The following TGM4 variants were observed in gnomAD, a reference collection of about 807,000 sequenced individuals.
The protein encoded by TGM4 is protein-glutamine gamma-glutamyltransferase 4.
TGM4 carries 61 observed loss-of-function variants against 76.3 expected under a neutral mutation model. The observed-to-expected ratio is 0.80, with a 90% CI of 0.65 to 0.99. The LOEUF (loss-of-function observed/expected upper bound fraction) is 0.99, where lower values mean the gene tolerates loss of function less well. Among genes scored for constraint, TGM4 ranks in the 50% least tolerant of loss-of-function variants. The pLI is 0.00. For synonymous variants in TGM4, 337 were observed against 329.8 expected (o/e 1.02, Z -0.24); for missense variants, 794 against 843.2 (o/e 0.94, Z 0.72).
chr3:44,895,737 T>C (rs1384518250), intron 5 of TGM4, among the ~76,000 whole-genome samples: 1 of 152,216 alleles, frequency 6.6e-6, no homozygotes, highest in Non-Finnish European at 1.5e-5. Context: ...ATTCCTTTTA[T>C]TTTGGTAGTT....
chr3:44,899,601 G>C (rs961231229), intron 6 of TGM4: 1 of 152,258 alleles, frequency 6.6e-6, no homozygotes, highest in East Asian at 1.9e-4. Context: ...CTTCTGGCAG[G>C]GTCGCCTAAA....
At chr3:44,890,754 C>G (rs1399031012) in intron 4 of TGM4, 22 bp downstream of exon 4, 6 of 1,612,468 alleles carry the variant, frequency 3.7e-6, no homozygotes, top group Non-Finnish European at 5.1e-6. Context: ...CTCAGGTCTG[C>G]TGGGGAATGG....
At chr3:44,877,216 G>A (rs534798436) in intron 1 of TGM4, among the ~76,000 whole-genome samples, 1 of 152,280 alleles carries the variant, frequency 6.6e-6, no homozygotes, top group Admixed American at 6.5e-5. Flanking sequence ...GGAAGCCAAG[G>A]TGGGCAGATC....
chr3:44,888,072 A>T, intron 3 of TGM4: 1 of 393,874 alleles, frequency 2.5e-6, no homozygotes, highest in South Asian at 4.3e-5. Context: ...GAGCGGAGAG[A>T]AGTACATAAA....
Position 44,911,066 on chromosome 3 carries a change from C to A in TGM4, c.1715C>A (p.Ser572Tyr). The A allele has an allele frequency of 6.2e-7, 1 of 1,614,138 alleles. No homozygotes were observed. Among genetic ancestry groups the A allele is most frequent in the Non-Finnish European group, 8.5e-7 (1 of 1,180,014 alleles). Reference sequence around the variant, plus strand: ...TTCATCATTGCGGAAATTGTGGAGTCTAAGGAAATCATGGCCTCTGAAGTA... The same window carrying A: ...TTCATCATTGCGGAAATTGTGGAGTATAAGGAAATCATGGCCTCTGAAGTA... Reference protein sequence around the residue: ...RGFIIAEIVESKEIMASEVFT... With the variant: ...RGFIIAEIVEYKEIMASEVFT... Residue 572 changes from serine to tyrosine, a missense_variant, in exon 12 of 14, where the codon TCT (serine) becomes TAT (tyrosine). Coordinates refer to ENST00000296125, the MANE Select transcript of TGM4 (RefSeq NM_003241.4).
In TGM4 at chr3:44,911,142, G is replaced by A; in HGVS notation, c.1776+15G>A. 1 of 1,612,192 alleles carries A rather than the reference G, an allele frequency of 6.2e-7. No individual in the cohort carries two copies. Among genetic ancestry groups the A allele is most frequent in the Non-Finnish European group, 8.5e-7 (1 of 1,178,460 alleles). ...TCTCTATAGAGGTGAGCTTCCTGCA[G>A]GCCATAAAGGGCTCCTTCTGCCTGG... On this transcript the variant is annotated intron_variant, in intron 12 of 13. Transcript: ENST00000296125.
rs1286895129 is a variant in TGM4 at position 44,914,740 on chromosome 3, G to T, written c.*1015G>T. ...GCTCTGAGGAGTTGGCTTCTTTATT[G>T]TCTGTTCAGTACATCCAACCCCTCT... On this transcript the variant is annotated 3_prime_UTR_variant, in exon 14 of 14. Coordinates refer to ENST00000296125, the MANE Select transcript of TGM4 (RefSeq NM_003241.4). The T allele has an allele frequency of 6.6e-6, 1 of 151,996 alleles. No individual in the cohort carries two copies. Among genetic ancestry groups the T allele is most frequent in the Non-Finnish European group, 1.5e-5 (1 of 68,022 alleles). The allele number at this position is 151,996 out of a possible 1,614,324, so 9.4% of individuals were successfully genotyped here.
At chr3:44,875,229 A>G (rs1699435871) in intron 1 of TGM4, among the ~76,000 whole-genome samples, 1 of 152,224 alleles carries the variant, frequency 6.6e-6, no homozygotes, top group African/African-American at 2.4e-5. Context: ...CATTTATAGC[A>G]GAAGAAAATC....
At chr3:44,898,951 CA>C (rs2125755751) in intron 6 of TGM4, among the ~76,000 whole-genome samples, 1 of 152,212 alleles carries the variant, frequency 6.6e-6, no homozygotes, top group South Asian at 2.1e-4. Context: ...AAGTCATTAG[CA>C]GGCAGAACTT....
intron 11 of TGM4, among the ~76,000 whole-genome samples, chr3:44,910,707 G>C (rs1699991969): frequency 6.6e-6 from 1 of 152,172 alleles, no homozygotes; most frequent in African/African-American, 2.4e-5. Flanking sequence ...CACAGTGTTG[G>C]GAACAAGTGG....
In TGM4 at chr3:44,907,201, G is replaced by T. The variant is rs779785158; in HGVS notation, c.1327+1G>T. 6.2e-7 allele frequency: 1 copy of T among 1,613,058 alleles called. No homozygotes were observed. The highest frequency in any genetic ancestry group is 1.3e-5 in the African/African-American group (1 of 74,684). Reference sequence around the variant, plus strand: ...ACCTATGAGTACAAGTATCCAGAAGGTGCTAGCATCACAGGGCTCCTTCTG... The same window carrying T: ...ACCTATGAGTACAAGTATCCAGAAGTTGCTAGCATCACAGGGCTCCTTCTG... On this transcript the variant is annotated splice_donor_variant, in intron 10 of 13. Transcript: ENST00000296125. LOFTEE classifies it high-confidence loss of function.
At position 44,893,003 on chromosome 3, in the gene TGM4, G is replaced by C. The variant is rs1245317215; in HGVS notation, c.431-574G>C. ...TTGGGAATGTTAAATGTGATCATTT[G>C]GTCAAGGTGTTGTCCAGTTTTTCTG... On this transcript the variant is annotated intron_variant, in intron 4 of 13. Transcript: ENST00000296125. Among the ~76,000 whole-genome samples the C allele has an allele frequency of 2.0e-5, 3 of 152,128 alleles. No individual in the cohort carries two copies. In the East Asian group the frequency reaches 5.8e-4, roughly 29 times the overall value.
Position 44,903,923 on chromosome 3 carries a change from G to A in TGM4, c.1011G>A (p.Pro337=), listed in dbSNP as rs371239197. 23 of 1,614,064 alleles carry A rather than the reference G, an allele frequency of 1.4e-5. No individual in the cohort carries two copies. The highest frequency in any genetic ancestry group is 5.0e-5 in the Admixed American group (3 of 60,002). ...GGACGGATGCCTGGATGAAGCGACC[G>A]GATCTGCCCAAGGGCTACGACGGCT... ...HVWTDAWMKR[P]DLPKGYDGWQ... Residue 337 remains proline, a synonymous_variant, in exon 9 of 14, where the codon CCG becomes CCA. Transcript: ENST00000296125.
chr3:44,906,883 C>T, intron 9 of TGM4, 66 bp from the exon 10 acceptor site: 1 of 1,585,030 alleles, frequency 6.3e-7, no homozygotes, highest in African/African-American at 1.3e-5. Context: ...TCATTGCTGC[C>T]ACTGGGTCCA....
intron 2 of TGM4, among the ~76,000 whole-genome samples, chr3:44,885,869 T>C (rs567550834): frequency 4.6e-4 from 70 of 152,194 alleles, no homozygotes; most frequent in Non-Finnish European, 8.2e-4. Context: ...TAATAATGAT[T>C]AAAATATCAT....
intron 5 of TGM4, 39 bp downstream of exon 5, chr3:44,893,734 CT>C: frequency 6.5e-7 from 1 of 1,549,506 alleles, no homozygotes; most frequent in South Asian, 1.1e-5. Context: ...CAGGCCCCAT[CT>C]GCTAGACCAC....
chr3:44,893,837 A>G, intron 5 of TGM4, 142 bp downstream of exon 5: 1 of 786,478 alleles, frequency 1.3e-6, no homozygotes, highest in East Asian at 2.5e-5. Flanking sequence ...AAACTTGGCC[A>G]TAGAGGGGTG....
chr3:44,905,499 T>C (rs1699910367), intron 9 of TGM4, among the ~76,000 whole-genome samples: 1 of 152,184 alleles, frequency 6.6e-6, no homozygotes, highest in African/African-American at 2.4e-5. Context: ...GTGAGCCTCA[T>C]CCCAAGGATA....
intron 9 of TGM4, 22 bp downstream of exon 9, chr3:44,904,009 G>A (rs954785520): frequency 6.2e-6 from 10 of 1,601,092 alleles, no homozygotes; most frequent in Middle Eastern, 1.7e-4. Context: ...GCAGGAAGGC[G>A]CTGGGCATCC....
Sources: allele counts gnomAD v4.1 joint callset (sites outside exome capture counted in the v4.1 genomes callset), GRCh38; gene constraint gnomAD v4.1.1; transcripts MANE v1.5; gene names NCBI Gene and HGNC (gene_info 2026-07-23, HGNC 2026-07-21).